Variants in KIRREL3 observed in about 807,000 individuals in gnomAD.
KIRREL3 encodes kin of IRRE-like protein 3.
A neutral mutation model predicts 89.7 loss-of-function variants in KIRREL3; 36 were observed. The observed-to-expected ratio is 0.40, with a 90% CI of 0.31 to 0.53. The LOEUF (loss-of-function observed/expected upper bound fraction) is 0.53, where lower values mean the gene tolerates loss of function less well. Among genes scored for constraint, KIRREL3 ranks in the 20% least tolerant of loss-of-function variants. KIRREL3 has a pLI of 0.49. For synonymous variants in KIRREL3, 445 were observed against 441.4 expected (o/e 1.01, Z -0.10); for missense variants, 864 against 1,056.6 (o/e 0.82, Z 2.53).
intron 2 of KIRREL3, among the ~76,000 whole-genome samples, chr11:126,545,679 G>A (rs1219519833): frequency 6.7e-6 from 1 of 149,842 alleles, no homozygotes; most frequent in African/African-American, 2.5e-5. Context: ...GCATTATGGA[G>A]AACAGGCCTT....
intron 1 of KIRREL3, among the ~76,000 whole-genome samples, chr11:126,846,683 A>G (rs191474467): frequency 3.8e-5 from 5 of 132,688 alleles, no homozygotes; most frequent in Admixed American, 3.1e-4. Flanking sequence ...AAACAGACAA[A>G]CAAAAAAAAA....
intron 1 of KIRREL3, among the ~76,000 whole-genome samples, chr11:126,823,596 T>G (rs1328534919): frequency 6.6e-6 from 1 of 152,176 alleles, no homozygotes; most frequent in Non-Finnish European, 1.5e-5. Context: ...GGTGGGTCCC[T>G]GCAGTGGGGG....
At position 126,724,721 on chromosome 11, in the gene KIRREL3, G is replaced by T. The variant is rs1182018928; in HGVS notation, c.56-161809C>A. On this transcript the variant is annotated intron_variant, in intron 1 of 16. Transcript: ENST00000525144. The surrounding 1 kb of genome is among the most constrained non-coding windows in gnomAD (Gnocchi z 4.3). ...AGGCATCTTTTGAATGCTGAGATTGGGAAGCAAGACTGAGACCTGCTTATG... is the reference window on the plus strand; with the variant it reads ...AGGCATCTTTTGAATGCTGAGATTGTGAAGCAAGACTGAGACCTGCTTATG... Among the ~76,000 whole-genome samples, 2 of 152,160 alleles carry T rather than the reference G, an allele frequency of 1.3e-5. No homozygotes were observed. The highest frequency in any genetic ancestry group is 2.9e-5 in the Non-Finnish European group (2 of 68,022).
chr11:126,427,970 G>C lies in KIRREL3; in HGVS notation c.1806+1209C>G, dbSNP rs1320960892. 6.6e-6 allele frequency among the ~76,000 whole-genome samples: 1 copy of C among 152,172 alleles called. No homozygotes were observed. The highest frequency in any genetic ancestry group is 2.1e-4 in the South Asian group (1 of 4,834). On this transcript the variant is annotated intron_variant, in intron 15 of 16. Coordinates refer to ENST00000525144, the MANE Select transcript of KIRREL3 (RefSeq NM_032531.4). This position sits in a 1 kb window ranked among gnomAD's most constrained non-coding sequence, Gnocchi z 5.3. Reference sequence around the variant, plus strand: ...AGGACCTGAAAATCAATTGGAGAGAGAAAGCGTAGCCGAGGGAAAAGTCAG... The same window carrying C: ...AGGACCTGAAAATCAATTGGAGAGACAAAGCGTAGCCGAGGGAAAAGTCAG...
chr11:126,843,906 C>T lies in KIRREL3; in HGVS notation c.55+156549G>A, dbSNP rs1374111148. ...CCCTACCTGGGCTCAAAAGGGGAGG[C>T]ATGAATAATCCCCTTGTTTAGCATA... On this transcript the variant is annotated intron_variant, in intron 1 of 16. Coordinates refer to ENST00000525144, the MANE Select transcript of KIRREL3 (RefSeq NM_032531.4). This position sits in a 1 kb window ranked among gnomAD's most constrained non-coding sequence, Gnocchi z 4.6. Among the ~76,000 whole-genome samples the T allele has an allele frequency of 6.6e-6, 1 of 152,164 alleles. No individual in the cohort carries two copies. The highest frequency in any genetic ancestry group is 2.4e-5 in the African/African-American group (1 of 41,444).
Position 126,973,783 on chromosome 11 carries a change from A to C in KIRREL3, c.55+26672T>G, listed in dbSNP as rs138220238. ...CAAAGTATGCACTACACTGCTTGGC[A>C]AGGAGGGACTCAATAAATGTTAGTT... is the stretch of plus-strand genomic sequence containing the variant. On this transcript the variant is annotated intron_variant, in intron 1 of 16. Transcript: ENST00000525144. Among the ~76,000 whole-genome samples, 748 of 152,280 alleles carry C rather than the reference A, an allele frequency of 4.9e-3. 6 individuals are homozygous for C. Among genetic ancestry groups the C allele is most frequent in the African/African-American group, 0.017 (716 of 41,548 alleles).
In KIRREL3 at chr11:126,591,300, C is replaced by T. The variant is rs148424219; in HGVS notation, c.56-28388G>A. Among the ~76,000 whole-genome samples, 111 of 152,320 alleles carry T rather than the reference C, an allele frequency of 7.3e-4. No homozygotes were observed. The East Asian group carries it at 0.013, about 17-fold the overall frequency. On this transcript the variant is annotated intron_variant, in intron 1 of 16. Coordinates refer to ENST00000525144, the MANE Select transcript of KIRREL3 (RefSeq NM_032531.4). ...TGTTAACATCTAACGACTGGCTGGA[C>T]GCTTGTAACCAGGTGTATTCCACAG...
At position 126,778,203 on chromosome 11, in the gene KIRREL3, C is replaced by A. The variant is rs1950225040; in HGVS notation, c.56-215291G>T. On this transcript the variant is annotated intron_variant, in intron 1 of 16. Coordinates refer to ENST00000525144, the MANE Select transcript of KIRREL3 (RefSeq NM_032531.4). This position sits in a 1 kb window ranked among gnomAD's most constrained non-coding sequence, Gnocchi z 4.5. ...TGTATATTCATGAGATTCACATGCA[C>A]ATATTTTTTCTTTTTAATTAAAATG... Among the ~76,000 whole-genome samples the A allele has an allele frequency of 6.6e-5, 10 of 152,140 alleles. No individual in the cohort carries two copies. The South Asian group carries it at 2.1e-3, about 32-fold the overall frequency.
At chr11:126,497,147 A>C (rs1156741198) in intron 4 of KIRREL3, among the ~76,000 whole-genome samples, 1 of 151,624 alleles carries the variant, frequency 6.6e-6, no homozygotes, top group African/African-American at 2.4e-5. Context: ...AGAGAGAGCG[A>C]GAGAGTGTGA....
rs139986548 is a variant in KIRREL3 at position 126,511,121 on chromosome 11, T to A, written c.433+10194A>T. On this transcript the variant is annotated intron_variant, in intron 4 of 16. Coordinates refer to ENST00000525144, the MANE Select transcript of KIRREL3 (RefSeq NM_032531.4). ...GTTGGTTGTGCCTCCATCTCTAGAG[T>A]CTGCAGGGATGTCACCAGGTATGCC... Among the ~76,000 whole-genome samples the A allele has an allele frequency of 4.2e-3, 638 of 151,056 alleles. 1 individual carries two copies. The highest frequency in any genetic ancestry group is 0.014 in the South Asian group (66 of 4,774).
At chr11:126,559,591 C>T (rs573194582) in intron 2 of KIRREL3, among the ~76,000 whole-genome samples, 1 of 152,074 alleles carries the variant, frequency 6.6e-6, no homozygotes, top group African/African-American at 2.4e-5. Context: ...AGATGGAAGG[C>T]AGGATCTCTT....
chr11:126,538,571 T>TC (rs1489110074), intron 2 of KIRREL3, among the ~76,000 whole-genome samples: 6 of 151,956 alleles, frequency 3.9e-5, no homozygotes, highest in Non-Finnish European at 8.8e-5. Context: ...AGGATCAGCT[T>TC]TGAGAAATTT....
At chr11:126,775,401 C>T (rs1358674720) in intron 1 of KIRREL3, among the ~76,000 whole-genome samples, 1 of 152,178 alleles carries the variant, frequency 6.6e-6, no homozygotes, top group African/African-American at 2.4e-5. Context: ...GGAGGAGATG[C>T]AGGCTGGTAA....
intron 1 of KIRREL3, among the ~76,000 whole-genome samples, chr11:126,889,468 G>A (rs1328262952): frequency 6.6e-6 from 1 of 151,976 alleles, no homozygotes; most frequent in Non-Finnish European, 1.5e-5. Context: ...TTGGTTTGAT[G>A]TCCAATGATT....
chr11:126,502,553 T>G lies in KIRREL3; in HGVS notation c.433+18762A>C, dbSNP rs565389553. On this transcript the variant is annotated intron_variant, in intron 4 of 16. Coordinates refer to ENST00000525144, the MANE Select transcript of KIRREL3 (RefSeq NM_032531.4). Reference sequence around the variant, plus strand: ...TTAAGACCAGCAGCTGGAGAATCACTCTTCCTTTTTCTCTTTTGGTGCTGT... The same window carrying G: ...TTAAGACCAGCAGCTGGAGAATCACGCTTCCTTTTTCTCTTTTGGTGCTGT... 4.6e-5 allele frequency among the ~76,000 whole-genome samples: 7 copies of G among 152,378 alleles called. No homozygotes were observed. The South Asian group carries it at 1.4e-3, about 32-fold the overall frequency.
chr11:126,998,956 T>TGTGTGTGCGC (rs55920555), intron 1 of KIRREL3, among the ~76,000 whole-genome samples: 1 of 120,586 alleles, frequency 8.3e-6, no homozygotes, highest in East Asian at 2.2e-4. Flanking sequence ...TGTGTGTGTG[T>TGTGTGTGCGC]GCTCATAAGC....
intron 7 of KIRREL3, 25 bp from the exon 8 acceptor site, chr11:126,449,182 G>C: frequency 1.2e-6 from 2 of 1,611,564 alleles, no homozygotes; most frequent in Non-Finnish European, 1.7e-6. Flanking sequence ...AGGGGCTGAT[G>C]TGGGCCTTGA....
At chr11:126,873,439 T>C (rs1945174007) in intron 1 of KIRREL3, among the ~76,000 whole-genome samples, 1 of 152,184 alleles carries the variant, frequency 6.6e-6, no homozygotes, top group East Asian at 1.9e-4. Flanking sequence ...TGCCGGGCTG[T>C]TTGTAGAAAA....
At position 126,557,458 on chromosome 11, in the gene KIRREL3, T is replaced by G. The variant is rs1438582123; in HGVS notation, c.133+5377A>C. ...TTTGAATCATCACATTTTAGAGACA[T>G]ACAGGTCATCTTATGAAACATGATT... On this transcript the variant is annotated intron_variant, in intron 2 of 16. Transcript: ENST00000525144. This position sits in a 1 kb window ranked among gnomAD's most constrained non-coding sequence, Gnocchi z 5.6. Among the ~76,000 whole-genome samples, 1 of 152,112 alleles carries G rather than the reference T, an allele frequency of 6.6e-6. No homozygotes were observed. The highest frequency in any genetic ancestry group is 1.5e-5 in the Non-Finnish European group (1 of 68,006).
Sources: gnomAD v4.1 joint callset for allele counts (sites outside exome capture counted in the v4.1 genomes callset) on GRCh38, gnomAD v4.1.1 for gene constraint, Gnocchi (gnomAD v3.1) non-coding constraint, MANE v1.5 for transcripts, NCBI Gene and HGNC (gene_info 2026-07-23, HGNC 2026-07-21) for gene names.